Variants in SUGT1 observed in about 807,000 individuals in gnomAD.
SUGT1 encodes protein SGT1 homolog.
In SUGT1, 15 loss-of-function variants were observed where a neutral mutation model predicts 56.1. That is an observed-to-expected ratio of 0.27 (90% CI 0.18 to 0.41). The LOEUF is 0.41. SUGT1 is among the 10% of genes least tolerant of loss of function. The probability of loss-of-function intolerance (pLI) is 1.00; values close to 1 mark genes in which losing one functional copy is unlikely to be tolerated. For missense variants in SUGT1, 347 were observed against 382.2 expected, an observed-to-expected ratio of 0.91 and a Z score of 0.77; for synonymous variants, 123 against 128.6, an observed-to-expected ratio of 0.96 and a Z score of 0.30.
chr13:52,677,914 A>G (rs528079307), intron 11 of SUGT1, among the ~76,000 whole-genome samples: 8 of 152,154 alleles, frequency 5.3e-5, no homozygotes, highest in Admixed American at 2.6e-4. Context: ...TTAGTGTTAC[A>G]GTTACCATGT....
At chr13:52,669,559 G>A (rs1962847486) in intron 10 of SUGT1, among the ~76,000 whole-genome samples, 1 of 152,190 alleles carries the variant, frequency 6.6e-6, no homozygotes, top group Non-Finnish European at 1.5e-5. Flanking sequence ...CCTAGGAGAC[G>A]TAGATACACT....
At chr13:52,663,641 C>CT (rs1201531408) in intron 7 of SUGT1, among the ~76,000 whole-genome samples, 1 of 152,154 alleles carries the variant, frequency 6.6e-6, no homozygotes, top group Non-Finnish European at 1.5e-5. Flanking sequence ...GCTAATTACT[C>CT]TGTTTCTTTA....
At chr13:52,666,789 G>A (rs1962723514) in intron 9 of SUGT1, 23 bp from the exon 10 acceptor site, 2 of 1,508,516 alleles carry the variant, frequency 1.3e-6, no homozygotes, top group Non-Finnish European at 1.8e-6. Flanking sequence ...TACAAAATGT[G>A]ATGCTAATTT....
At chr13:52,678,596 G>A (rs1478626010) in intron 11 of SUGT1, among the ~76,000 whole-genome samples, 1 of 152,012 alleles carries the variant, frequency 6.6e-6, no homozygotes, top group Non-Finnish European at 1.5e-5. Flanking sequence ...TCTGCATTGA[G>A]ATGATGTGCT....
chr13:52,667,155 A>G (rs1172367051), intron 10 of SUGT1, among the ~76,000 whole-genome samples: 1 of 152,166 alleles, frequency 6.6e-6, no homozygotes, highest in East Asian at 1.9e-4. Context: ...TAAGACAGAT[A>G]TAATGTTTTT....
intron 8 of SUGT1, among the ~76,000 whole-genome samples, chr13:52,665,359 T>G (rs1237735499): frequency 1.3e-5 from 2 of 152,198 alleles, no homozygotes; most frequent in Non-Finnish European, 2.9e-5. Flanking sequence ...TATATTAGTT[T>G]AAGCACAACA....
At position 52,700,859 on chromosome 13, in the gene SUGT1, T is replaced by G. The variant is rs540823682; in HGVS notation, c.*13024T>G. On this transcript the variant is annotated 3_prime_UTR_variant, in exon 13 of 13. Transcript: ENST00000310528. ...CAATCCACTCACAAAGAATTTCTAT[T>G]TTGTAAAAATGTAGCTTGTATTTCA... 3 of 152,324 alleles carry G rather than the reference T, an allele frequency of 2.0e-5. No individual in the cohort carries two copies. The East Asian group carries it at 5.8e-4, about 29-fold the overall frequency. 9.4% of individuals were successfully genotyped at this position (152,324 alleles called of 1,614,324 possible). A position where few individuals can be genotyped will look rare whatever the true frequency, so the allele number is the denominator to read the frequency against.
intron 10 of SUGT1, among the ~76,000 whole-genome samples, chr13:52,673,254 T>C (rs1261024765): frequency 5.3e-5 from 1 of 18,760 alleles, no homozygotes; most frequent in Middle Eastern, 0.017. Context: ...TTTTTTTTTT[T>C]TGTGTGGGGG....
chr13:52,661,632 A>G (rs775329219), intron 5 of SUGT1: 18 of 408,666 alleles, frequency 4.4e-5, no homozygotes, highest in South Asian at 1.0e-4. Context: ...TTAGGCTTCT[A>G]TTTTTATCAG....
In SUGT1 at chr13:52,700,269, G is replaced by A. The variant is rs929128126; in HGVS notation, c.*12434G>A. On this transcript the variant is annotated 3_prime_UTR_variant, in exon 13 of 13. Transcript: ENST00000310528. ...TTTAAAACTATAAAGATGTAAAAAA[G>A]GTTCACTAAGCCAAACACCTTAGAA... is the stretch of plus-strand genomic sequence containing the variant. 1.1e-4 allele frequency: 17 copies of A among 152,030 alleles called. No homozygotes were observed. The highest frequency in any genetic ancestry group is 3.4e-4 in the African/African-American group (14 of 41,406). 9.4% of individuals were successfully genotyped at this position (152,030 alleles called of 1,614,324 possible). A position where few individuals can be genotyped will look rare whatever the true frequency, so the allele number is the denominator to read the frequency against.
intron 10 of SUGT1, among the ~76,000 whole-genome samples, chr13:52,669,252 A>G (rs1962835765): frequency 6.6e-6 from 1 of 152,226 alleles, no homozygotes; most frequent in African/African-American, 2.4e-5. Flanking sequence ...TAGGGTCCCC[A>G]GATAAAGTTA....
rs535094985 is a variant in SUGT1, at chr13:52,668,047, G to C, written c.627+1128G>C. 7.2e-5 allele frequency among the ~76,000 whole-genome samples: 11 copies of C among 151,790 alleles called. No individual in the cohort carries two copies. In the South Asian group the frequency reaches 2.3e-3, roughly 32 times the overall value. Reference sequence around the variant, plus strand: ...GGTGGAGTGCAGTGCTGTGATCTCAGCTCACTGCAACCTCCGCCTTCTTGA... The same window carrying C: ...GGTGGAGTGCAGTGCTGTGATCTCACCTCACTGCAACCTCCGCCTTCTTGA... On this transcript the variant is annotated intron_variant, in intron 10 of 12. Transcript: ENST00000310528.
intron 10 of SUGT1, among the ~76,000 whole-genome samples, chr13:52,669,530 A>C (rs780021808): frequency 1.8e-4 from 28 of 152,194 alleles, no homozygotes; most frequent in Non-Finnish European, 3.5e-4. Context: ...TACCTAGTTA[A>C]CTAAATTCTT....
chr13:52,656,044 G>C (rs1390902594), intron 2 of SUGT1, among the ~76,000 whole-genome samples: 1 of 152,210 alleles, frequency 6.6e-6, no homozygotes, highest in African/African-American at 2.4e-5. Flanking sequence ...GGGCCACAGA[G>C]AGATCAAGTC....
rs771958040 is a variant in SUGT1, at chr13:52,662,682, G to C, written c.362G>C (p.Arg121Thr). The stretch of plus-strand genomic sequence containing the variant: ...GCTAATTTCAGTGTCTGGATTAAAA[G>C]GTGTCAAGAAGCTCAGAATGGTATG... ...ADANFSVWIK[R>T]CQEAQNGSES... is the part of the protein sequence containing the mutation. The change falls in exon 6 of 13, where the codon AGG (arginine) becomes ACG (threonine). Residue 121 changes from arginine to threonine, a missense_variant. Transcript: ENST00000310528. 6.2e-6 allele frequency: 10 copies of C among 1,613,578 alleles called. No individual in the cohort carries two copies. The African/African-American group carries it at 1.3e-4, about 22-fold the overall frequency.
intron 12 of SUGT1, among the ~76,000 whole-genome samples, chr13:52,685,640 C>T (rs1963555163): frequency 6.6e-6 from 1 of 152,108 alleles, no homozygotes; most frequent in Non-Finnish European, 1.5e-5. Flanking sequence ...ACAATTATAA[C>T]CAAATTGTGT....
chr13:52,674,191 A>G (rs1319609251), intron 10 of SUGT1, among the ~76,000 whole-genome samples: 1 of 151,454 alleles, frequency 6.6e-6, no homozygotes. Flanking sequence ...AGCTGAGACT[A>G]CAGTCACATG....
chr13:52,687,701 C>G, intron 12 of SUGT1, 33 bp from the exon 13 acceptor site: 1 of 1,502,582 alleles, frequency 6.7e-7, no homozygotes, highest in Non-Finnish European at 9.0e-7. Flanking sequence ...TTATATGGTC[C>G]AGGAATTAAT....
chr13:52,664,152 ATT>A (rs1962581228), intron 8 of SUGT1, 95 bp downstream of exon 8: 1 of 1,310,878 alleles, frequency 7.6e-7, no homozygotes. Flanking sequence ...TTACCATGTG[ATT>A]TTTAAGTTTT....
Sources: gnomAD v4.1 joint callset for allele counts (sites outside exome capture counted in the v4.1 genomes callset) on GRCh38, gnomAD v4.1.1 for gene constraint, MANE v1.5 for transcripts, NCBI Gene and HGNC (gene_info 2026-07-23, HGNC 2026-07-21) for gene names.